Variants in SOBP observed in about 807,000 individuals in gnomAD.
SOBP encodes the protein sine oculis-binding protein homolog.
In SOBP, 4 loss-of-function variants were observed where a neutral mutation model predicts 53.6. That is an observed-to-expected ratio of 0.07 (90% CI 0.04 to 0.17). The LOEUF (loss-of-function observed/expected upper bound fraction) is 0.17, where lower values mean the gene tolerates loss of function less well. Among genes scored for constraint, SOBP ranks in the 10% least tolerant of loss-of-function variants. The probability of loss-of-function intolerance (pLI) is 1.00; values close to 1 mark genes in which losing one functional copy is unlikely to be tolerated. For synonymous variants in SOBP, 584 were observed against 522.6 expected (o/e 1.12, Z -1.60); for missense variants, 1,088 against 1,204.7 (o/e 0.90, Z 1.43).
At chr6:107,616,036 G>GAA (rs1324318094) in intron 5 of SOBP, among the ~76,000 whole-genome samples, 1 of 107,806 alleles carries the variant, frequency 9.3e-6, no homozygotes, top group Admixed American at 1.4e-4. Context: ...GCAAAAAAAA[G>GAA]AAAAAAAAAA....
intron 4 of SOBP, among the ~76,000 whole-genome samples, chr6:107,541,603 A>G (rs1369555998): frequency 6.6e-6 from 1 of 152,204 alleles, no homozygotes; most frequent in African/African-American, 2.4e-5. Flanking sequence ...TTATGACTGC[A>G]AATTTTCACT....
chr6:107,606,070 CTTTTTTTT>C (rs11298151), intron 5 of SOBP, among the ~76,000 whole-genome samples: 9 of 62,858 alleles, frequency 1.4e-4, no homozygotes, highest in South Asian at 9.1e-4. Context: ...AGATAGGCTC[CTTTTTTTT>C]TTTTTTTTTT....
intron 5 of SOBP, among the ~76,000 whole-genome samples, chr6:107,595,453 T>C (rs890291767): frequency 6.6e-6 from 1 of 151,658 alleles, no homozygotes; most frequent in African/African-American, 2.4e-5. Context: ...AATGGATCTA[T>C]TTCTTTTGAG....
At chr6:107,504,700 G>T (rs1014782108) in intron 2 of SOBP, among the ~76,000 whole-genome samples, 1 of 152,222 alleles carries the variant, frequency 6.6e-6, no homozygotes, top group Non-Finnish European at 1.5e-5. Flanking sequence ...CAGTCTTTAA[G>T]ATAGAGCTTT....
At chr6:107,597,139 A>G (rs532039501) in intron 5 of SOBP, among the ~76,000 whole-genome samples, 5 of 152,194 alleles carry the variant, frequency 3.3e-5, no homozygotes, top group Non-Finnish European at 7.3e-5. Flanking sequence ...ACATTTTTAA[A>G]TGGCAAAACC....
intron 5 of SOBP, among the ~76,000 whole-genome samples, chr6:107,587,727 A>T (rs1021364117): frequency 1.3e-5 from 2 of 152,168 alleles, no homozygotes; most frequent in East Asian, 3.9e-4. Context: ...GAGAGGGAGG[A>T]TATCAGCTGT....
chr6:107,605,139 C>T (rs1786325373), intron 5 of SOBP, among the ~76,000 whole-genome samples: 1 of 152,200 alleles, frequency 6.6e-6, no homozygotes, highest in Non-Finnish European at 1.5e-5. Context: ...ACCAGACAGT[C>T]TTTGTGCTTC....
intron 6 of SOBP, among the ~76,000 whole-genome samples, chr6:107,651,530 A>G (rs1157658926): frequency 6.6e-6 from 1 of 152,280 alleles, no homozygotes; most frequent in Non-Finnish European, 1.5e-5. Context: ...AGCTGTCTCC[A>G]TAACATCAAA....
chr6:107,541,095 G>A (rs1222793527), intron 4 of SOBP, among the ~76,000 whole-genome samples: 1 of 152,186 alleles, frequency 6.6e-6, no homozygotes, highest in Non-Finnish European at 1.5e-5. Context: ...ATTGCATAGT[G>A]TTGGAGAGCC....
chr6:107,498,826 G>T (rs947683737), intron 1 of SOBP, among the ~76,000 whole-genome samples: 1 of 152,068 alleles, frequency 6.6e-6, no homozygotes, highest in South Asian at 2.1e-4. Context: ...CTAAATGTTA[G>T]GATTGCCTTT....
intron 5 of SOBP, among the ~76,000 whole-genome samples, chr6:107,619,023 A>G (rs1280570030): frequency 6.6e-6 from 1 of 152,208 alleles, no homozygotes; most frequent in Admixed American, 6.5e-5. Context: ...AAAGTGCCAC[A>G]AGGGGACGAG....
chr6:107,624,233 T>C (rs957394186), intron 5 of SOBP, among the ~76,000 whole-genome samples: 2 of 152,236 alleles, frequency 1.3e-5, no homozygotes, highest in Middle Eastern at 3.2e-3. Flanking sequence ...AGAATTCCAC[T>C]GGACTCTCTG....
At chr6:107,546,090 G>A (rs138542258) in intron 4 of SOBP, among the ~76,000 whole-genome samples, 128 of 152,310 alleles carry the variant, frequency 8.4e-4, no homozygotes, top group African/African-American at 2.9e-3. Context: ...TTTGGAAGAC[G>A]TATTAAAGAC....
At chr6:107,610,796 G>GCACACACACACACA (rs150127640) in intron 5 of SOBP, among the ~76,000 whole-genome samples, 1 of 148,944 alleles carries the variant, frequency 6.7e-6, no homozygotes, top group Non-Finnish European at 1.5e-5. Flanking sequence ...GTGTGCACAC[G>GCACACACACACACA]CACACACACA....
At chr6:107,510,729 CTGTCAATTTTCTAGCTGTA>C (rs1783146413) in intron 3 of SOBP, 1 of 152,154 alleles carries the variant, frequency 6.6e-6, no homozygotes, top group Non-Finnish European at 1.5e-5. Flanking sequence ...AGATATGCTA[CTGTCAATTTTCTAGCTGTA>C]TGTAGGTTAA....
rs1772240348 is a variant in SOBP, at chr6:107,660,205, T to C, written c.*2002T>C. On this transcript the variant is annotated 3_prime_UTR_variant, in exon 7 of 7. Coordinates refer to ENST00000317357, the MANE Select transcript of SOBP (RefSeq NM_018013.4). ...ACTGTTTTTTTTTGTTTTTTGTTTT[T>C]TGTTTTATTACAGAGGTGTTCATTT... 6.6e-6 allele frequency: 1 copy of C among 152,640 alleles called. No homozygotes were observed. The highest frequency in any genetic ancestry group is 2.4e-5 in the African/African-American group (1 of 41,448). 9.5% of individuals were successfully genotyped at this position (152,640 alleles called of 1,614,324 possible).
intron 1 of SOBP, among the ~76,000 whole-genome samples, chr6:107,491,582 C>T (rs1782582639): frequency 6.6e-6 from 1 of 152,212 alleles, no homozygotes; most frequent in South Asian, 2.1e-4. Flanking sequence ...TCGTTGCCCC[C>T]CACCTCCTTA....
intron 5 of SOBP, among the ~76,000 whole-genome samples, chr6:107,604,847 C>T (rs1055526886): frequency 6.6e-6 from 1 of 152,200 alleles, no homozygotes; most frequent in Non-Finnish European, 1.5e-5. Flanking sequence ...TTCATGGGTG[C>T]GTGCATGTAC....
At chr6:107,546,938 C>A (rs2115005237) in intron 4 of SOBP, among the ~76,000 whole-genome samples, 1 of 152,190 alleles carries the variant, frequency 6.6e-6, no homozygotes, top group Admixed American at 6.5e-5. Flanking sequence ...GATTAAGAAC[C>A]TGGGGAAGGA....
Sources: gnomAD v4.1 joint callset for allele counts (sites outside exome capture counted in the v4.1 genomes callset) on GRCh38, gnomAD v4.1.1 for gene constraint, MANE v1.5 for transcripts, NCBI Gene and HGNC (gene_info 2026-07-23, HGNC 2026-07-21) for gene names.